Variants in SPACA1 observed in about 807,000 individuals in gnomAD.
The protein encoded by SPACA1 is sperm acrosome membrane-associated protein 1.
A neutral mutation model predicts 32.6 loss-of-function variants in SPACA1; 17 were observed. The observed-to-expected ratio is 0.52, with a 90% confidence interval of 0.36 to 0.78. The LOEUF is 0.78. Among genes scored for constraint, SPACA1 ranks in the 30% least tolerant of loss-of-function variants. The pLI is 0.01. For missense variants in SPACA1, 363 were observed against 373.4 expected (o/e 0.97, Z 0.23); for synonymous variants, 140 against 138.1 (o/e 1.01, Z -0.10).
intron 1 of SPACA1, 107 bp downstream of exon 1, chr6:88,048,220 C>A: frequency 8.5e-7 from 1 of 1,180,916 alleles, no homozygotes; most frequent in African/African-American, 1.5e-5. Context: ...GTCAGGAGAG[C>A]TCTCTCTCAT....
At chr6:88,058,967 T>G in intron 4 of SPACA1, 145 bp downstream of exon 4, 1 of 565,828 alleles carries the variant, frequency 1.8e-6, no homozygotes, top group Non-Finnish European at 3.0e-6. Flanking sequence ...TATTTTGGAA[T>G]TTTAAAATTT....
Position 88,064,020 on chromosome 6 carries a change from C to G in SPACA1, c.611-79C>G, listed in dbSNP as rs2276090. 244 of 1,481,530 alleles carry G rather than the reference C, an allele frequency of 1.6e-4. No individual in the cohort carries two copies. The East Asian group carries it at 5.6e-3, about 34-fold the overall frequency. The allele number at this position is 1,481,530 out of a possible 1,614,324, so 91.8% of individuals were successfully genotyped here. On this transcript the variant is annotated intron_variant, in intron 5 of 6. Transcript: ENST00000237201. ...TCTTTATGTTTCTAGAGTTGTTTTT[C>G]AAATATAAACTTTTAAGTTAGATAT...
chr6:88,048,226 C>T lies in SPACA1; in HGVS notation c.208+113C>T, dbSNP rs1424195411. On this transcript the variant is annotated intron_variant, in intron 1 of 6. Transcript: ENST00000237201. ...TGTGTTAACGTCAGGAGAGCTCTCTCTCATACTTCAGCCCCGAGTTTGTCC... is the reference window on the plus strand; with the variant it reads ...TGTGTTAACGTCAGGAGAGCTCTCTTTCATACTTCAGCCCCGAGTTTGTCC... 9.7e-6 allele frequency: 11 copies of T among 1,135,926 alleles called. No homozygotes were observed. In the South Asian group the frequency reaches 1.4e-4, roughly 15 times the overall value. The allele number at this position is 1,135,926 out of a possible 1,614,324, so 70.4% of individuals were successfully genotyped here.
intron 2 of SPACA1, among the ~76,000 whole-genome samples, chr6:88,057,164 T>C (rs1479726742): frequency 6.6e-6 from 1 of 152,232 alleles, no homozygotes; most frequent in African/African-American, 2.4e-5. Context: ...GGAAAAATAC[T>C]GCCAATTAAT....
Position 88,066,624 on chromosome 6 carries a change from C to A in SPACA1, c.*289C>A. 1 of 190,946 alleles carries A rather than the reference C, an allele frequency of 5.2e-6. No homozygotes were observed. The highest frequency in any genetic ancestry group is 2.0e-3 in the Middle Eastern group (1 of 496). 11.8% of individuals were successfully genotyped at this position (190,946 alleles called of 1,614,324 possible). On this transcript the variant is annotated 3_prime_UTR_variant, in exon 7 of 7. Transcript: ENST00000237201. ...AGTGCATTTTTGATCACTTTGATAA[C>A]TTCTTAGGTGATTTGCCTGTTTTGT...
chr6:88,050,128 A>G (rs1252544383), intron 1 of SPACA1, among the ~76,000 whole-genome samples: 1 of 152,162 alleles, frequency 6.6e-6, no homozygotes, highest in Non-Finnish European at 1.5e-5. Flanking sequence ...CAATATGTTC[A>G]TTTACAAACC....
intron 1 of SPACA1, among the ~76,000 whole-genome samples, chr6:88,049,322 A>G (rs916107911): frequency 6.6e-6 from 1 of 152,244 alleles, no homozygotes; most frequent in Admixed American, 6.5e-5. Context: ...AACTCAGGCA[A>G]TAAAGTTATA....
chr6:88,052,785 C>T (rs935878301), intron 1 of SPACA1, among the ~76,000 whole-genome samples: 16 of 152,008 alleles, frequency 1.1e-4, no homozygotes, highest in African/African-American at 2.7e-4. Context: ...TGCAGTGAGC[C>T]GGGATCATGC....
At chr6:88,047,730 G>C, upstream of SPACA1, 1 of 656,090 alleles carries the variant, frequency 1.5e-6, no homozygotes. Context: ...AGCTCCGCGC[G>C]AGTTCCAGGC....
chr6:88,058,999 C>T (rs945819761), intron 4 of SPACA1, among the ~76,000 whole-genome samples, 177 bp downstream of exon 4: 13 of 152,186 alleles, frequency 8.5e-5, no homozygotes, highest in African/African-American at 2.9e-4. Context: ...TAGGACTAAA[C>T]TTTACATAAG....
chr6:88,066,097 ATT>A, intron 6 of SPACA1, 83 bp from the exon 7 acceptor site: 1 of 1,096,536 alleles, frequency 9.1e-7, no homozygotes, highest in African/African-American at 1.6e-5. Flanking sequence ...ATATATATAT[ATT>A]TCTATACATA....
rs769382887 is a variant in SPACA1, at chr6:88,047,999, G to C, written c.94G>C (p.Val32Leu). ...AGLQSARGTN[V>L]TAAVQDAGLA... ...CCTCCAGTCCGCGCGCGGGACCAAC[G>C]TCACCGCTGCCGTCCAGGATGCCGG... The change falls in exon 1 of 7, where the codon GTC (valine) becomes CTC (leucine). Residue 32 changes from valine (V) to leucine (L), a missense_variant. Physicochemically the swap from Val to Leu is conservative, Grantham distance 32. Transcript: ENST00000237201. The C allele has an allele frequency of 6.3e-7, 1 of 1,582,568 alleles. No individual in the cohort carries two copies. Among genetic ancestry groups the C allele is most frequent in the Non-Finnish European group, 8.6e-7 (1 of 1,166,492 alleles).
intron 4 of SPACA1, among the ~76,000 whole-genome samples, 183 bp downstream of exon 4, chr6:88,059,005 A>G (rs986485615): frequency 2.6e-5 from 4 of 152,250 alleles, no homozygotes; most frequent in African/African-American, 9.6e-5. Flanking sequence ...TAAACTTTAC[A>G]TAAGTCTAAG....
chr6:88,061,516 A>G (rs1442470723), intron 5 of SPACA1, among the ~76,000 whole-genome samples: 3 of 152,228 alleles, frequency 2.0e-5, no homozygotes, highest in African/African-American at 2.4e-5. Flanking sequence ...AGAAACAGAC[A>G]TAGGGAGAAG....
At chr6:88,052,349 C>T (rs964886795) in intron 1 of SPACA1, among the ~76,000 whole-genome samples, 3 of 152,118 alleles carry the variant, frequency 2.0e-5, no homozygotes, top group Non-Finnish European at 4.4e-5. Context: ...CACTCATTCT[C>T]TTAGCCGTGT....
chr6:88,057,632 A>G lies in SPACA1; in HGVS notation c.286A>G (p.Ile96Val), dbSNP rs1775829096. 2 of 1,613,796 alleles carry G rather than the reference A, an allele frequency of 1.2e-6. No individual in the cohort carries two copies. The highest frequency in any genetic ancestry group is 1.7e-6 in the Non-Finnish European group (2 of 1,179,812). ...VTCGIGVREV[I>V]LTNGCPGGES... ...CAAAGGTATTGGTGTTAGAGAAGTTATATTAACAAATGGATGCCCTGGTGG... is the reference window on the plus strand; with the variant it reads ...CAAAGGTATTGGTGTTAGAGAAGTTGTATTAACAAATGGATGCCCTGGTGG... The change falls in exon 3 of 7, where the codon ATA (isoleucine) becomes GTA (valine). Residue 96 changes from isoleucine to valine, a missense_variant. Physicochemically the swap from Ile to Val is conservative, Grantham distance 29. Transcript: ENST00000237201.
chr6:88,052,940 CATTAA>C (rs1001166233), intron 1 of SPACA1, among the ~76,000 whole-genome samples: 7 of 152,124 alleles, frequency 4.6e-5, no homozygotes, highest in South Asian at 2.1e-4. Flanking sequence ...GGGAAAAAAA[CATTAA>C]ATTAATAAGT....
chr6:88,047,960 C>A lies in SPACA1; in HGVS notation c.55C>A (p.Leu19Met). The change falls in exon 1 of 7, where the codon CTG (leucine) becomes ATG (methionine). Residue 19 changes from leucine (L) to methionine (M), a missense_variant. By Grantham distance (15) the Leu-to-Met change is conservative. Coordinates refer to ENST00000237201, the MANE Select transcript of SPACA1 (RefSeq NM_030960.3). Reference protein sequence around the residue: ...SAGLLMTVGWLLLAGLQSARG... With the variant: ...SAGLLMTVGWMLLAGLQSARG... ...CGGGCTGCTGATGACTGTCGGCTGG[C>A]TGCTTCTGGCGGGCCTCCAGTCCGC... The A allele has an allele frequency of 6.4e-7, 1 of 1,571,044 alleles. No individual in the cohort carries two copies. The highest frequency in any genetic ancestry group is 8.6e-7 in the Non-Finnish European group (1 of 1,159,206).
chr6:88,047,856 A>G lies in SPACA1; in HGVS notation c.-50A>G, dbSNP rs780033715. Reference sequence around the variant, plus strand: ...AGCTCTCTTCGACGTACCTGTCCTCAGGAGCCGCGGCGGCGACTGCGCCTC... The same window carrying G: ...AGCTCTCTTCGACGTACCTGTCCTCGGGAGCCGCGGCGGCGACTGCGCCTC... On this transcript the variant is annotated 5_prime_UTR_variant, in exon 1 of 7. Coordinates refer to ENST00000237201, the MANE Select transcript of SPACA1 (RefSeq NM_030960.3). The G allele has an allele frequency of 3.1e-5, 45 of 1,473,814 alleles. No individual in the cohort carries two copies. Among genetic ancestry groups the G allele is most frequent in the Non-Finnish European group, 4.0e-5 (44 of 1,107,780 alleles). 91.3% of individuals were successfully genotyped at this position (1,473,814 alleles called of 1,614,324 possible). A position where few individuals can be genotyped will look rare whatever the true frequency, so the allele number is the denominator to read the frequency against.
Sources: allele counts gnomAD v4.1 joint callset (sites outside exome capture counted in the v4.1 genomes callset), GRCh38; gene constraint gnomAD v4.1.1; transcripts MANE v1.5; gene names NCBI Gene and HGNC (gene_info 2026-07-23, HGNC 2026-07-21).